The following DSCAML1 variants were observed in gnomAD, a reference collection of about 807,000 sequenced individuals.
The protein encoded by DSCAML1 is cell adhesion molecule DSCAML1.
In DSCAML1, 38 loss-of-function variants were observed where a neutral mutation model predicts 200.5. That is an observed-to-expected ratio of 0.19 (90% confidence interval 0.15 to 0.25). The LOEUF (loss-of-function observed/expected upper bound fraction) is 0.25. Among genes scored for constraint, DSCAML1 ranks in the 10% least tolerant of loss-of-function variants. DSCAML1 has a pLI of 1.00. For missense variants in DSCAML1, 2,223 were observed against 2,858.8 expected, an observed-to-expected ratio of 0.78 and a Z score of 5.07; for synonymous variants, 1,215 against 1,165.0, an observed-to-expected ratio of 1.04 and a Z score of -0.87.
intron 3 of DSCAML1, among the ~76,000 whole-genome samples, chr11:117,598,588 C>T (rs1221007355): frequency 1.3e-5 from 2 of 152,204 alleles, no homozygotes; most frequent in African/African-American, 4.8e-5. Flanking sequence ...TCATCTTTGC[C>T]TTCATTCAGA....
chr11:117,780,300 G>GAA lies in DSCAML1; in HGVS notation c.364+191_364+192dup, dbSNP rs1382518224. On this transcript the variant is annotated intron_variant, in intron 2 of 32. Transcript: ENST00000651296. The surrounding 1 kb of genome is among the most constrained non-coding windows in gnomAD (Gnocchi z 4.8). Reference sequence around the variant, plus strand: ...AGAAAGAAAGAAAGAAAGAAAGAAAGAAAGAGAGAAAGGAGAAAGAAAGGT... The same window carrying GAA: ...AGAAAGAAAGAAAGAAAGAAAGAAAGAAAAAGAGAGAAAGGAGAAAGAAAGGT... Among the ~76,000 whole-genome samples the GAA allele has an allele frequency of 1.7e-3, 185 of 112,034 alleles. 7 individuals are homozygous for GAA. The East Asian group carries it at 0.028, about 17-fold the overall frequency. The allele number at this position is 112,034 out of a possible 152,430, so 73.5% of individuals were successfully genotyped here.
rs576148051 is a variant in DSCAML1 at position 117,625,582 on chromosome 11, G to A, written c.512-93060C>T. ...ATCTGTTCAGCAGGTCAGCCCTAGC[G>A]TCCAGGGCAGAGAGGATGCTCTTCA... On this transcript the variant is annotated intron_variant, in intron 3 of 32. Coordinates refer to ENST00000651296, the MANE Select transcript of DSCAML1 (RefSeq NM_020693.4). Among the ~76,000 whole-genome samples the A allele has an allele frequency of 5.9e-5, 9 of 152,320 alleles. No individual in the cohort carries two copies. The East Asian group carries it at 9.7e-4, about 16-fold the overall frequency.
intron 3 of DSCAML1, among the ~76,000 whole-genome samples, chr11:117,593,451 C>A (rs2051299229): frequency 6.6e-6 from 1 of 152,316 alleles, no homozygotes; most frequent in East Asian, 1.9e-4. Context: ...AATGTGAGAA[C>A]CAAAGCCGCT....
At chr11:117,740,872 GC>G (rs2054409785) in intron 3 of DSCAML1, among the ~76,000 whole-genome samples, 1 of 152,248 alleles carries the variant, frequency 6.6e-6, no homozygotes, top group Non-Finnish European at 1.5e-5. Context: ...GCAGGGGTTG[GC>G]TAAGCCAGAC....
chr11:117,520,963 TA>T (rs2049875072), intron 6 of DSCAML1, among the ~76,000 whole-genome samples, 166 bp downstream of exon 6: 1 of 152,002 alleles, frequency 6.6e-6, no homozygotes, highest in Non-Finnish European at 1.5e-5. Context: ...GATTTAAATA[TA>T]AAAAAGGGCT....
chr11:117,644,762 C>T (rs543030279), intron 3 of DSCAML1, among the ~76,000 whole-genome samples: 66 of 152,326 alleles, frequency 4.3e-4, no homozygotes, highest in African/African-American at 1.5e-3. Flanking sequence ...GCTGAAGGGG[C>T]ACCCCCAGCC....
At chr11:117,751,790 T>A (rs1489034277) in intron 3 of DSCAML1, among the ~76,000 whole-genome samples, 1 of 152,174 alleles carries the variant, frequency 6.6e-6, no homozygotes, top group Non-Finnish European at 1.5e-5. Flanking sequence ...TTGCAGATAT[T>A]GACCCAGGGC....
chr11:117,703,526 T>C (rs2053703235), intron 3 of DSCAML1, among the ~76,000 whole-genome samples: 1 of 152,194 alleles, frequency 6.6e-6, no homozygotes, highest in African/African-American at 2.4e-5. Flanking sequence ...CCAGGAAACC[T>C]TGGTTCCCAA....
chr11:117,499,461 G>A (rs1334665545), intron 11 of DSCAML1, among the ~76,000 whole-genome samples: 4 of 152,168 alleles, frequency 2.6e-5, no homozygotes, highest in East Asian at 3.8e-4. Context: ...GACAACTCAC[G>A]GATGCAGAGC....
chr11:117,449,647 C>T (rs2048247457), intron 20 of DSCAML1, among the ~76,000 whole-genome samples: 1 of 152,138 alleles, frequency 6.6e-6, no homozygotes, highest in African/African-American at 2.4e-5. Context: ...TCCTTGCTTC[C>T]AGCCCTGGGC....
At chr11:117,545,235 AC>A (rs762592289) in intron 3 of DSCAML1, among the ~76,000 whole-genome samples, 3,092 of 133,244 alleles carry the variant, frequency 0.023, 145 homozygotes, top group African/African-American at 0.075. Context: ...GTAAAAAAAA[AC>A]ACACACACAC....
chr11:117,579,293 C>T (rs1378574772), intron 3 of DSCAML1, among the ~76,000 whole-genome samples: 3 of 152,244 alleles, frequency 2.0e-5, no homozygotes, highest in South Asian at 2.1e-4. Context: ...AAACTCTTTA[C>T]GGTGACCTAG....
At chr11:117,776,965 G>A in intron 2 of DSCAML1, 28 bp from the exon 3 acceptor site, 2 of 1,612,292 alleles carry the variant, frequency 1.2e-6, no homozygotes, top group South Asian at 2.2e-5. Context: ...GTGGGGAAGA[G>A]AAGAGTGTCA....
chr11:117,735,264 T>C (rs1161447852), intron 3 of DSCAML1, among the ~76,000 whole-genome samples: 1 of 151,886 alleles, frequency 6.6e-6, no homozygotes, highest in East Asian at 1.9e-4. Context: ...CGCCAAAGAG[T>C]GTGTCTACGG....
At chr11:117,510,130 G>A (rs1316715527) in intron 8 of DSCAML1, among the ~76,000 whole-genome samples, 1 of 152,246 alleles carries the variant, frequency 6.6e-6, no homozygotes, top group Non-Finnish European at 1.5e-5. Flanking sequence ...CTGCACAGAG[G>A]AAGGCGTGCT....
intron 3 of DSCAML1, among the ~76,000 whole-genome samples, chr11:117,539,985 G>T (rs2509007): frequency 6.6e-6 from 1 of 152,080 alleles, no homozygotes; most frequent in Non-Finnish European, 1.5e-5. Context: ...ACATGGATGC[G>T]TCTTGAGGAC....
chr11:117,807,831 G>A (rs903929945), intron 1 of DSCAML1, among the ~76,000 whole-genome samples: 16 of 152,128 alleles, frequency 1.1e-4, no homozygotes, highest in South Asian at 4.1e-4. Context: ...GGCTTTCGTC[G>A]GAGTTAAAAA....
intron 3 of DSCAML1, among the ~76,000 whole-genome samples, chr11:117,548,384 T>C (rs1265317206): frequency 6.6e-6 from 1 of 152,234 alleles, no homozygotes; most frequent in African/African-American, 2.4e-5. Flanking sequence ...AGTACACTAC[T>C]TGGCCATGGG....
chr11:117,492,497 C>T (rs912842554), intron 11 of DSCAML1, among the ~76,000 whole-genome samples: 1 of 152,142 alleles, frequency 6.6e-6, no homozygotes, highest in Non-Finnish European at 1.5e-5. Context: ...AGCAGGGAGC[C>T]CGTGTGTTCA....
Sources: allele counts gnomAD v4.1 joint callset (sites outside exome capture counted in the v4.1 genomes callset), GRCh38; gene constraint gnomAD v4.1.1; non-coding constraint Gnocchi (gnomAD v3.1); transcripts MANE v1.5; gene names NCBI Gene and HGNC (gene_info 2026-07-23, HGNC 2026-07-21).